UGT1A9: variants seen among roughly 807,000 people sequenced by gnomAD.
UGT1A9 encodes UDP-glucuronosyltransferase 1A9.
UGT1A9 carries 35 observed loss-of-function variants against 45.0 expected under a neutral mutation model. The ratio of observed to expected loss-of-function variants is 0.78; its 90% CI spans 0.59 to 1.03. UGT1A9 has a LOEUF of 1.03. Among genes scored for constraint, UGT1A9 ranks in the 50% least tolerant of loss-of-function variants. The probability of loss-of-function intolerance (pLI) is 0.00; values close to 1 mark genes in which losing one functional copy is unlikely to be tolerated. For synonymous variants in UGT1A9, 278 were observed against 250.6 expected (o/e 1.11, Z -1.03); for missense variants, 687 against 666.6 (o/e 1.03, Z -0.34).
At chr2:233,733,983 C>A (rs1268250784) in intron 1 of UGT1A9, among the ~76,000 whole-genome samples, 1 of 151,994 alleles carries the variant, frequency 6.6e-6, no homozygotes, top group African/African-American at 2.4e-5. Context: ...GGAGGGATAG[C>A]ATTAGGAGAT....
In UGT1A9 at chr2:233,755,391, C is replaced by G. The variant is rs115647781; in HGVS notation, c.856-11643C>G. 7.3e-3 allele frequency: 2,499 copies of G among 343,022 alleles called. 14 individuals carry two copies. The highest frequency in any genetic ancestry group is 0.01 in the Non-Finnish European group (1,783 of 176,380). 21.2% of individuals were successfully genotyped at this position (343,022 alleles called of 1,614,324 possible). A position where few individuals can be genotyped will look rare whatever the true frequency, so the allele number is the denominator to read the frequency against. On this transcript the variant is annotated intron_variant, in intron 1 of 4. Coordinates refer to ENST00000354728, the MANE Select transcript of UGT1A9 (RefSeq NM_021027.3). ...TGGAGGGCCGCCCCTTATGACGCAGCCACATCTCATTGGCCGAGGCCTGTG... is the reference window on the plus strand; with the variant it reads ...TGGAGGGCCGCCCCTTATGACGCAGGCACATCTCATTGGCCGAGGCCTGTG...
At chr2:233,728,994 A>G in intron 1 of UGT1A9, 1 of 1,552,012 alleles carries the variant, frequency 6.4e-7, no homozygotes, top group Non-Finnish European at 8.7e-7. Flanking sequence ...AATTAACTAG[A>G]GGAGGGCACT....
At chr2:233,726,426 T>C (rs554048011) in intron 1 of UGT1A9, among the ~76,000 whole-genome samples, 1 of 152,328 alleles carries the variant, frequency 6.6e-6, no homozygotes, top group East Asian at 1.9e-4. Flanking sequence ...TTCTGTCCAC[T>C]CTTAATCTTA....
At chr2:233,707,553 G>A (rs1016218991) in intron 1 of UGT1A9, among the ~76,000 whole-genome samples, 23 of 118,818 alleles carry the variant, frequency 1.9e-4, no homozygotes, top group African/African-American at 7.4e-4. Context: ...TTTTTTTTTT[G>A]GTTCAACCTT....
chr2:233,736,925 G>A lies in UGT1A9; in HGVS notation c.856-30109G>A, dbSNP rs188632907. Among the ~76,000 whole-genome samples, 72 of 152,232 alleles carry A rather than the reference G, an allele frequency of 4.7e-4. 1 individual carries two copies. The Middle Eastern group carries it at 0.014, about 29-fold the overall frequency. On this transcript the variant is annotated intron_variant, in intron 1 of 4. Coordinates refer to ENST00000354728, the MANE Select transcript of UGT1A9 (RefSeq NM_021027.3). ...CCTCTGGAAGCTTCATACCAGAGGC[G>A]CACCCACCTATATGAGGTGTCTGTT...
At chr2:233,690,231 T>G (rs1054850541) in intron 1 of UGT1A9, among the ~76,000 whole-genome samples, 5 of 152,232 alleles carry the variant, frequency 3.3e-5, no homozygotes, top group South Asian at 2.1e-4. Flanking sequence ...TATTCTAGAT[T>G]CAGCAAATTT....
In UGT1A9 at chr2:233,685,559, A is replaced by G. The variant is rs184912904; in HGVS notation, c.855+12770A>G. Among the ~76,000 whole-genome samples, 5 of 152,332 alleles carry G rather than the reference A, an allele frequency of 3.3e-5. No homozygotes were observed. The East Asian group carries it at 7.7e-4, about 24-fold the overall frequency. The stretch of plus-strand genomic sequence containing the variant: ...CGCATTCTGTTTTTGATCCAAATTC[A>G]AATTTACCTGTTACTGGGCAAGCCC... On this transcript the variant is annotated intron_variant, in intron 1 of 4. Transcript: ENST00000354728.
rs1559392013 is a variant in UGT1A9 at position 233,747,291 on chromosome 2, T to C, written c.856-19743T>C. The C allele has an allele frequency of 3.1e-6, 5 of 1,600,838 alleles. No individual in the cohort carries two copies. In the African/African-American group the frequency reaches 4.0e-5, roughly 13 times the overall value. On this transcript the variant is annotated intron_variant, in intron 1 of 4. Transcript: ENST00000354728. ...TCCTTCTCAGTGCCCAGCCCTGGGCTGAGAGTGGGAAGGTGCTGGTGGTAC... is the reference window on the plus strand; with the variant it reads ...TCCTTCTCAGTGCCCAGCCCTGGGCCGAGAGTGGGAAGGTGCTGGTGGTAC...
At position 233,701,259 on chromosome 2, in the gene UGT1A9, G is replaced by A. The variant is rs1386323387; in HGVS notation, c.855+28470G>A. ...CAGTAATGAGATGGCTGGGTCAAAT[G>A]GTATTTCTAGTTCTAGATCCTTGAG... On this transcript the variant is annotated intron_variant, in intron 1 of 4. Coordinates refer to ENST00000354728, the MANE Select transcript of UGT1A9 (RefSeq NM_021027.3). 3.3e-5 allele frequency among the ~76,000 whole-genome samples: 5 copies of A among 152,008 alleles called. No homozygotes were observed. In the East Asian group the frequency reaches 5.8e-4, roughly 18 times the overall value.
At chr2:233,730,541 T>A (rs1015263117) in intron 1 of UGT1A9, among the ~76,000 whole-genome samples, 1 of 152,098 alleles carries the variant, frequency 6.6e-6, no homozygotes, top group African/African-American at 2.4e-5. Context: ...TTGGGATGGA[T>A]GTCTGTGATT....
intron 1 of UGT1A9, among the ~76,000 whole-genome samples, chr2:233,757,535 A>AATGTATATATATATATATATATAT (rs1696552153): frequency 1.1e-5 from 1 of 88,312 alleles, no homozygotes; most frequent in Non-Finnish European, 2.2e-5. Context: ...GCCTGTAAGG[A>AATGTATATATATATATATATATAT]ATATATATAT....
chr2:233,678,439 A>G (rs1002167631), intron 1 of UGT1A9, among the ~76,000 whole-genome samples: 1 of 152,154 alleles, frequency 6.6e-6, no homozygotes, highest in Non-Finnish European at 1.5e-5. Flanking sequence ...GAGGCAGAAG[A>G]GGTAGAGGAG....
intron 1 of UGT1A9, among the ~76,000 whole-genome samples, chr2:233,699,257 C>T (rs2075494314): frequency 6.6e-6 from 1 of 152,074 alleles, no homozygotes; most frequent in African/African-American, 2.4e-5. Context: ...CTTTCCTCTT[C>T]CTATAGGGGC....
chr2:233,747,481 A>T, intron 1 of UGT1A9: 1 of 1,608,962 alleles, frequency 6.2e-7, no homozygotes, highest in South Asian at 1.1e-5. Flanking sequence ...GATGAATTTG[A>T]TCGCCTTGTG....
At chr2:233,747,282 GC>G in intron 1 of UGT1A9, 1 of 1,600,800 alleles carries the variant, frequency 6.2e-7, no homozygotes, top group Non-Finnish European at 8.5e-7. Context: ...TCAGTGCCCA[GC>G]CCTGGGCTGA....
rs766714471 is a variant in UGT1A9 at position 233,754,631 on chromosome 2, T to C, written c.856-12403T>C. On this transcript the variant is annotated intron_variant, in intron 1 of 4. Coordinates refer to ENST00000354728, the MANE Select transcript of UGT1A9 (RefSeq NM_021027.3). ...CTCCATCTTCCTCCACTTCCACCCT[T>C]TCTTGGCCATTCTCAATGATTCTCT... The C allele has an allele frequency of 1.3e-4, 58 of 444,366 alleles. 1 individual carries two copies. Among genetic ancestry groups the C allele is most frequent in the South Asian group, 8.9e-4 (56 of 63,060 alleles). The allele number at this position is 444,366 out of a possible 1,614,324, so 27.5% of individuals were successfully genotyped here.
At chr2:233,676,181 C>T (rs538707807) in intron 1 of UGT1A9, among the ~76,000 whole-genome samples, 1 of 152,264 alleles carries the variant, frequency 6.6e-6, no homozygotes, top group East Asian at 1.9e-4. Context: ...AATCATCCAG[C>T]CACCTCCCAC....
intron 1 of UGT1A9, among the ~76,000 whole-genome samples, chr2:233,761,780 C>T (rs762414530): frequency 3.3e-5 from 5 of 152,172 alleles, no homozygotes; most frequent in African/African-American, 9.7e-5. Flanking sequence ...ACATCCTCAT[C>T]GAAATCTCAG....
At chr2:233,717,972 C>G in intron 1 of UGT1A9, 1 of 447,844 alleles carries the variant, frequency 2.2e-6, no homozygotes, top group South Asian at 1.6e-5. Flanking sequence ...CTTTGGCATT[C>G]AGAAGAGGAA....
Sources: gnomAD v4.1 joint callset for allele counts (sites outside exome capture counted in the v4.1 genomes callset) on GRCh38, gnomAD v4.1.1 for gene constraint, MANE v1.5 for transcripts, NCBI Gene and HGNC (gene_info 2026-07-23, HGNC 2026-07-21) for gene names.